The following HPS5 variants were observed in gnomAD, a reference collection of about 807,000 sequenced individuals.
HPS5 encodes BLOC-2 complex member HPS5.
In HPS5, 83 loss-of-function variants were observed where a neutral mutation model predicts 128.0. That is an observed-to-expected ratio of 0.65 (90% CI 0.54 to 0.78). HPS5 has a LOEUF of 0.78. Among genes scored for constraint, HPS5 ranks in the 30% least tolerant of loss-of-function variants. The pLI, the probability that HPS5 is intolerant of heterozygous loss-of-function variation, is 0.00. For missense variants in HPS5, 1,281 were observed against 1,326.2 expected, an observed-to-expected ratio of 0.97 and a Z score of 0.53; for synonymous variants, 475 against 470.2, an observed-to-expected ratio of 1.01 and a Z score of -0.13.
intron 8 of HPS5, among the ~76,000 whole-genome samples, chr11:18,301,243 G>C (rs1273423207): frequency 6.6e-6 from 1 of 152,008 alleles, no homozygotes; most frequent in Non-Finnish European, 1.5e-5. Flanking sequence ...ATCACTTGAG[G>C]TCAGGAGTTT....
At position 18,288,351 on chromosome 11, in the gene HPS5, A is replaced by C. The variant is rs544108410; in HGVS notation, c.2441-338T>G. 2.4e-4 allele frequency among the ~76,000 whole-genome samples: 37 copies of C among 152,298 alleles called. No homozygotes were observed. The South Asian group carries it at 3.7e-3, about 15-fold the overall frequency. Reference sequence around the variant, plus strand: ...CTGTCCATATAAGCACACATCAAAAACCAATATACATAGCTATCATCAATG... The same window carrying C: ...CTGTCCATATAAGCACACATCAAAACCCAATATACATAGCTATCATCAATG... On this transcript the variant is annotated intron_variant, in intron 16 of 22. Transcript: ENST00000349215.
In HPS5 at chr11:18,300,696, CAAAA is replaced by C. The variant is rs531315010; in HGVS notation, c.985+128_985+131del. Reference sequence around the variant, plus strand: ...TGGGTGACAGAGCAAGACTTAGTCTCAAAAAAAAAAAAAAAAAAAAAAAAGTCAT... The same window carrying C: ...TGGGTGACAGAGCAAGACTTAGTCTCAAAAAAAAAAAAAAAAAAAAGTCAT... On this transcript the variant is annotated intron_variant, in intron 9 of 22. Transcript: ENST00000349215. The C allele has an allele frequency of 0.11, 40,439 of 383,802 alleles. 580 individuals are homozygous for C. The highest frequency in any genetic ancestry group is 0.21 in the East Asian group (4,620 of 21,624). 23.8% of individuals were successfully genotyped at this position (383,802 alleles called of 1,614,324 possible). A position where few individuals can be genotyped will look rare whatever the true frequency, so the allele number is the denominator to read the frequency against.
chr11:18,308,745 G>A (rs943272589), intron 6 of HPS5, among the ~76,000 whole-genome samples: 2 of 152,034 alleles, frequency 1.3e-5, no homozygotes, highest in Non-Finnish European at 2.9e-5. Flanking sequence ...GAGCCAGGGA[G>A]GTCAAGGCTG....
intron 6 of HPS5, among the ~76,000 whole-genome samples, chr11:18,308,437 T>C (rs1327305103): frequency 6.6e-6 from 1 of 152,206 alleles, no homozygotes; most frequent in East Asian, 1.9e-4. Context: ...CACGGAATAC[T>C]TGTCTTAGTC....
intron 6 of HPS5, among the ~76,000 whole-genome samples, chr11:18,307,269 C>T (rs1862481498): frequency 6.6e-6 from 1 of 152,160 alleles, no homozygotes; most frequent in Non-Finnish European, 1.5e-5. Flanking sequence ...ATCTAATATG[C>T]TCTCTAGCAT....
intron 16 of HPS5, among the ~76,000 whole-genome samples, chr11:18,289,859 T>C (rs905626920): frequency 1.3e-5 from 2 of 152,258 alleles, no homozygotes; most frequent in African/African-American, 2.4e-5. Flanking sequence ...TTTTAGGGTA[T>C]GATAGCTGGT....
chr11:18,284,179 A>C (rs983849331), intron 20 of HPS5, among the ~76,000 whole-genome samples: 13 of 152,020 alleles, frequency 8.6e-5, no homozygotes, highest in Non-Finnish European at 1.5e-4. Flanking sequence ...AAAAAAAAAA[A>C]CAAAAAACCT....
At position 18,308,999 on chromosome 11, in the gene HPS5, A is replaced by C. The variant is rs1310182114; in HGVS notation, c.558T>G (p.Asp186Glu). The C allele has an allele frequency of 3.1e-6, 5 of 1,613,866 alleles. No individual in the cohort carries two copies. Among genetic ancestry groups the C allele is most frequent in the Non-Finnish European group, 3.4e-6 (4 of 1,179,850 alleles). The change falls in exon 6 of 23, where the codon GAT becomes GAG. Residue 186 changes from aspartate (D) to glutamate (E), a missense_variant. Transcript: ENST00000349215. ...TAAGTGAAGATATAAGTAGCCTTCC[A>C]TCCAAATAATCTAACTGTACAACAC... Reference protein sequence around the residue: ...DSCVVQLDYLDGRLLISSLTR... With the variant: ...DSCVVQLDYLEGRLLISSLTR...
At chr11:18,317,961 G>T in intron 1 of HPS5, 54 bp from the exon 2 acceptor site, 1 of 1,302,574 alleles carries the variant, frequency 7.7e-7, no homozygotes, top group Non-Finnish European at 1.1e-6. Flanking sequence ...CATTTAACAT[G>T]CATTTAACAA....
At chr11:18,288,091 C>G (rs1469497700) in intron 16 of HPS5, 78 bp from the exon 17 acceptor site, 7 of 1,515,308 alleles carry the variant, frequency 4.6e-6, no homozygotes, top group Non-Finnish European at 5.5e-6. Context: ...GTTCATTCAG[C>G]AATCATTAGT....
rs1469564084 is a variant in HPS5 at position 18,287,585 on chromosome 11, C to T, written c.2667G>A (p.Glu889=). Residue 889 remains glutamate (E), a synonymous_variant, in exon 18 of 23, where the codon GAG becomes GAA. Transcript: ENST00000349215. ...IIQLCHHHPA[E]FLAYLDSLVK... ...CCAGACTGTCTAAATAGGCCAAAAA[C>T]TCAGCAGGATGATGATGACAAAGTT... The T allele has an allele frequency of 1.2e-6, 2 of 1,614,148 alleles. No homozygotes were observed. The highest frequency in any genetic ancestry group is 1.7e-6 in the Non-Finnish European group (2 of 1,180,002).
chr11:18,310,033 T>C (rs770224054), intron 5 of HPS5, among the ~76,000 whole-genome samples: 39 of 152,258 alleles, frequency 2.6e-4, no homozygotes, highest in Middle Eastern at 6.8e-3. Flanking sequence ...TAGCCAATAG[T>C]AGTTAGAGCC....
At chr11:18,285,099 G>T (rs1378009213) in intron 20 of HPS5, among the ~76,000 whole-genome samples, 1 of 150,572 alleles carries the variant, frequency 6.6e-6, no homozygotes, top group African/African-American at 2.4e-5. Flanking sequence ...ACTGGGGCTG[G>T]CAACTAAGCA....
At chr11:18,303,958 G>A (rs1242006230) in intron 8 of HPS5, among the ~76,000 whole-genome samples, 1 of 151,556 alleles carries the variant, frequency 6.6e-6, no homozygotes, top group East Asian at 1.9e-4. Flanking sequence ...CAGGCATTAG[G>A]CCAAGCATTG....
chr11:18,299,081 G>A (rs1335625272), intron 9 of HPS5, 111 bp from the exon 10 acceptor site: 8 of 1,003,440 alleles, frequency 8.0e-6, no homozygotes, highest in East Asian at 2.5e-5. Context: ...GGTTTGGCTT[G>A]ACTGAATTTC....
At chr11:18,313,255 A>G (rs1031158641) in intron 2 of HPS5, among the ~76,000 whole-genome samples, 2 of 152,162 alleles carry the variant, frequency 1.3e-5, no homozygotes, top group African/African-American at 4.8e-5. Flanking sequence ...AGTCTGAGCT[A>G]TGTGAAGTAT....
Position 18,305,448 on chromosome 11 carries a change from C to CA in HPS5, c.869dup (p.Leu290PhefsTer10), listed in dbSNP as rs765508232. On this transcript the variant is annotated frameshift_variant, in exon 8 of 23. Coordinates refer to ENST00000349215, the MANE Select transcript of HPS5 (RefSeq NM_181507.2). LOFTEE classifies it high-confidence loss of function. Reference sequence around the variant, plus strand: ...TAAGATGTAAGAGTTTGGGGAAAGACAAAGACTGGGAGGATCCAGCTGTAT... The same window carrying CA: ...TAAGATGTAAGAGTTTGGGGAAAGACAAAAGACTGGGAGGATCCAGCTGTAT... 2.5e-6 allele frequency: 4 copies of CA among 1,610,708 alleles called. No homozygotes were observed. The highest frequency in any genetic ancestry group is 3.4e-6 in the Non-Finnish European group (4 of 1,177,158).
In HPS5 at chr11:18,303,824, A is replaced by C. The variant is rs538690693; in HGVS notation, c.896+1598T>G. On this transcript the variant is annotated intron_variant, in intron 8 of 22. Transcript: ENST00000349215. ...AGCTAAGATCGCACCACTGCACTCC[A>C]ATGTGGGTGACAGAGCAAGACTCCG... Among the ~76,000 whole-genome samples, 8 of 151,856 alleles carry C rather than the reference A, an allele frequency of 5.3e-5. No homozygotes were observed. In the South Asian group the frequency reaches 8.4e-4, roughly 16 times the overall value.
At position 18,292,881 on chromosome 11, in the gene HPS5, GT is replaced by G. The variant is rs1564942560; in HGVS notation, c.1862+17del. 6.3e-7 allele frequency: 1 copy of G among 1,596,626 alleles called. No homozygotes were observed. The highest frequency in any genetic ancestry group is 8.6e-7 in the Non-Finnish European group (1 of 1,164,008). On this transcript the variant is annotated intron_variant, in intron 15 of 22. Coordinates refer to ENST00000349215, the MANE Select transcript of HPS5 (RefSeq NM_181507.2). ...ACTGCCTTGAGACGTCACTATAAAA[GT>G]TTCTCATTATACTCACATTGCTTCT...
Sources: gnomAD v4.1 joint callset for allele counts (sites outside exome capture counted in the v4.1 genomes callset) on GRCh38, gnomAD v4.1.1 for gene constraint, MANE v1.5 for transcripts, NCBI Gene and HGNC (gene_info 2026-07-23, HGNC 2026-07-21) for gene names.